ULK4: variants seen among roughly 807,000 people sequenced by gnomAD.
The protein encoded by ULK4 is inactive serine/threonine-protein kinase ULK4.
ULK4 carries 133 observed loss-of-function variants against 160.6 expected under a neutral mutation model. That is an observed-to-expected ratio of 0.83 (90% CI 0.72 to 0.96). The LOEUF (loss-of-function observed/expected upper bound fraction) is 0.96. Ranked by LOEUF, ULK4 falls within the 40% of genes least tolerant of loss-of-function variation. The pLI, the probability that ULK4 is intolerant of heterozygous loss-of-function variation, is 0.00. For synonymous variants in ULK4, 534 were observed against 539.8 expected, an observed-to-expected ratio of 0.99 and a Z score of 0.15; for missense variants, 1,580 against 1,499.5, an observed-to-expected ratio of 1.05 and a Z score of -0.89.
intron 30 of ULK4, among the ~76,000 whole-genome samples, chr3:41,640,402 C>T (rs529366451): frequency 1.9e-4 from 29 of 152,228 alleles, no homozygotes; most frequent in Admixed American, 1.2e-3. Context: ...AAAATAATTA[C>T]GGTATTTGAG....
chr3:41,806,565 A>C (rs942501259), intron 19 of ULK4, among the ~76,000 whole-genome samples: 9 of 151,734 alleles, frequency 5.9e-5, no homozygotes, highest in Non-Finnish European at 1.3e-4. Context: ...TAGTTCTTTT[A>C]ATTGTGATGT....
chr3:41,534,120 T>G (rs1284096949), intron 32 of ULK4, among the ~76,000 whole-genome samples: 2 of 152,248 alleles, frequency 1.3e-5, no homozygotes, highest in Non-Finnish European at 2.9e-5. Flanking sequence ...GTACACTTTC[T>G]TTATTCTTAG....
At chr3:41,364,990 T>C (rs1195644704) in intron 35 of ULK4, among the ~76,000 whole-genome samples, 1 of 152,186 alleles carries the variant, frequency 6.6e-6, no homozygotes, top group Non-Finnish European at 1.5e-5. Context: ...GAATTTCAAA[T>C]AGGCTCCCAA....
intron 32 of ULK4, among the ~76,000 whole-genome samples, chr3:41,545,932 T>G (rs1482134669): frequency 6.6e-6 from 1 of 152,168 alleles, no homozygotes; most frequent in African/African-American, 2.4e-5. Flanking sequence ...AGTTTAAGAC[T>G]TTTATATGGT....
intron 31 of ULK4, 112 bp downstream of exon 31, chr3:41,615,557 G>T: frequency 1.0e-6 from 1 of 983,558 alleles, no homozygotes; most frequent in Non-Finnish European, 1.5e-6. Flanking sequence ...GATGATGGAC[G>T]TACAATCCTT....
chr3:41,460,753 C>T (rs1285579985), intron 33 of ULK4, among the ~76,000 whole-genome samples: 1 of 152,072 alleles, frequency 6.6e-6, no homozygotes, highest in Non-Finnish European at 1.5e-5. Flanking sequence ...TATTGGTCAC[C>T]TTCACCGGGC....
chr3:41,694,832 C>T (rs2036433164), intron 27 of ULK4, among the ~76,000 whole-genome samples: 1 of 151,976 alleles, frequency 6.6e-6, no homozygotes, highest in African/African-American at 2.4e-5. Context: ...GTTTTATCTG[C>T]TGTTGGTTGA....
In ULK4 at chr3:41,375,519, A is replaced by G. The variant is rs545826777; in HGVS notation, c.3678+22560T>C. On this transcript the variant is annotated intron_variant, in intron 35 of 36. Transcript: ENST00000301831. Reference sequence around the variant, plus strand: ...ATCTTTGACAAACCTGACAAAAACAAGCAATGGGCAAACGATTCCCTATTT... The same window carrying G: ...ATCTTTGACAAACCTGACAAAAACAGGCAATGGGCAAACGATTCCCTATTT... 4.7e-5 allele frequency among the ~76,000 whole-genome samples: 7 copies of G among 150,392 alleles called. 1 individual carries two copies. In the East Asian group the frequency reaches 1.4e-3, roughly 31 times the overall value.
rs996392123 is a variant in ULK4 at position 41,941,105 on chromosome 3, C to T, written c.139-2908G>A. 2.0e-5 allele frequency among the ~76,000 whole-genome samples: 3 copies of T among 150,530 alleles called. No homozygotes were observed. In the East Asian group the frequency reaches 5.9e-4, roughly 29 times the overall value. ...CTGGAGCACAGTGGCACAGTCATGG[C>T]TCACTGCAGCCTTCATCTACTGGGC... is the stretch of plus-strand genomic sequence containing the variant. On this transcript the variant is annotated intron_variant, in intron 2 of 36. Coordinates refer to ENST00000301831, the MANE Select transcript of ULK4 (RefSeq NM_017886.4).
At chr3:41,299,982 G>A (rs1350433345) in intron 35 of ULK4, among the ~76,000 whole-genome samples, 1 of 152,048 alleles carries the variant, frequency 6.6e-6, no homozygotes, top group Non-Finnish European at 1.5e-5. Context: ...CCAAGTCAAG[G>A]TTATTAACAG....
At chr3:41,709,425 T>A (rs1327446024) in intron 25 of ULK4, among the ~76,000 whole-genome samples, 1 of 152,170 alleles carries the variant, frequency 6.6e-6, no homozygotes, top group African/African-American at 2.4e-5. Context: ...TCTCGCTCTG[T>A]CACCAGGCTG....
chr3:41,918,019 A>G (rs980224105), intron 7 of ULK4, among the ~76,000 whole-genome samples: 143 of 53,386 alleles, frequency 2.7e-3, no homozygotes, highest in African/African-American at 4.7e-3. Flanking sequence ...AAATAAATAA[A>G]TAAATAAATA....
At chr3:41,903,881 A>T (rs538886386) in intron 12 of ULK4, among the ~76,000 whole-genome samples, 3 of 152,182 alleles carry the variant, frequency 2.0e-5, no homozygotes, top group East Asian at 3.9e-4. Context: ...TGTATGAGAC[A>T]TATGAGGTTA....
intron 32 of ULK4, among the ~76,000 whole-genome samples, chr3:41,491,486 T>A (rs2084761581): frequency 6.6e-6 from 1 of 152,000 alleles, no homozygotes; most frequent in Non-Finnish European, 1.5e-5. Flanking sequence ...GACTAAAATC[T>A]ACACAAAAAT....
intron 35 of ULK4, among the ~76,000 whole-genome samples, chr3:41,308,535 G>A (rs952177666): frequency 6.6e-6 from 1 of 151,992 alleles, no homozygotes; most frequent in African/African-American, 2.4e-5. Flanking sequence ...ATATTTGAAA[G>A]AAAACTCCAT....
chr3:41,914,023 C>T (rs762703790), intron 8 of ULK4, among the ~76,000 whole-genome samples: 2 of 152,128 alleles, frequency 1.3e-5, no homozygotes, highest in Non-Finnish European at 2.9e-5. Context: ...TACATTCACA[C>T]CTTGTTTAGG....
At chr3:41,490,432 C>A (rs971617114) in intron 32 of ULK4, among the ~76,000 whole-genome samples, 4 of 152,174 alleles carry the variant, frequency 2.6e-5, no homozygotes, top group Admixed American at 6.5e-5. Flanking sequence ...TCTGTTCCCA[C>A]TGTTCTTTTC....
intron 32 of ULK4, among the ~76,000 whole-genome samples, chr3:41,539,924 T>C (rs960754079): frequency 2.0e-5 from 3 of 152,116 alleles, no homozygotes; most frequent in African/African-American, 4.8e-5. Flanking sequence ...AGCCAGTCAA[T>C]AGGGCTACTA....
intron 17 of ULK4, among the ~76,000 whole-genome samples, chr3:41,877,558 C>T (rs1178135117): frequency 6.6e-6 from 1 of 152,082 alleles, no homozygotes; most frequent in Non-Finnish European, 1.5e-5. Flanking sequence ...AACGCCTGAA[C>T]TCAAGTGATC....
Sources: allele counts gnomAD v4.1 joint callset (sites outside exome capture counted in the v4.1 genomes callset), GRCh38; gene constraint gnomAD v4.1.1; transcripts MANE v1.5; gene names NCBI Gene and HGNC (gene_info 2026-07-23, HGNC 2026-07-21).